Variants in OPRD1 observed in about 807,000 individuals in gnomAD.
OPRD1 encodes delta-type opioid receptor.
In OPRD1, 19 loss-of-function variants were observed where a neutral mutation model predicts 17.5. The observed-to-expected ratio is 1.09, with a 90% CI of 0.76 to 1.60. The LOEUF (loss-of-function observed/expected upper bound fraction) is 1.60. OPRD1 is among the 40% of genes most tolerant of loss of function. OPRD1 has a pLI of 0.00. For synonymous variants in OPRD1, 256 were observed against 240.9 expected, an observed-to-expected ratio of 1.06 and a Z score of -0.58; for missense variants, 483 against 547.2, an observed-to-expected ratio of 0.88 and a Z score of 1.17.
At chr1:28,855,905 A>AT (rs2089052789) in intron 1 of OPRD1, among the ~76,000 whole-genome samples, 1 of 152,196 alleles carries the variant, frequency 6.6e-6, no homozygotes, top group African/African-American at 2.4e-5. Flanking sequence ...AATGACAGCT[A>AT]TTTGGGAGGG....
At chr1:28,838,063 G>A (rs2088867969) in intron 1 of OPRD1, among the ~76,000 whole-genome samples, 1 of 151,686 alleles carries the variant, frequency 6.6e-6, no homozygotes, top group East Asian at 1.9e-4. Context: ...TAAATGAGGT[G>A]ATCTCTGTAA....
chr1:28,859,077 C>T lies in OPRD1; in HGVS notation c.351C>T (p.Gly117=), dbSNP rs772356608. Residue 117 remains glycine, a synonymous_variant, in exon 2 of 3, where the codon GGC becomes GGT. Transcript: ENST00000234961. ...ACCTGATGGAGACGTGGCCCTTCGG[C>T]GAGCTGCTCTGCAAGGCTGTGCTCT... ...AKYLMETWPF[G]ELLCKAVLSI... 16 of 1,614,094 alleles carry T rather than the reference C, an allele frequency of 9.9e-6. No individual in the cohort carries two copies. The highest frequency in any genetic ancestry group is 5.0e-5 in the Admixed American group (3 of 60,006).
chr1:28,836,270 C>T (rs937889040), intron 1 of OPRD1, among the ~76,000 whole-genome samples: 1 of 152,122 alleles, frequency 6.6e-6, no homozygotes, highest in African/African-American at 2.4e-5. Context: ...AATCCCAGCA[C>T]TTTGGGAGGC....
chr1:28,827,897 T>A (rs1245795164), intron 1 of OPRD1, among the ~76,000 whole-genome samples: 1 of 151,976 alleles, frequency 6.6e-6, no homozygotes, highest in Admixed American at 6.6e-5. Context: ...GCTAATTTAT[T>A]TATTTTTTAT....
intron 1 of OPRD1, among the ~76,000 whole-genome samples, chr1:28,823,523 A>C (rs926901340): frequency 2.0e-5 from 3 of 151,948 alleles, no homozygotes; most frequent in Non-Finnish European, 4.4e-5. Context: ...CAGCCTCCTG[A>C]GTAGCTGGGA....
chr1:28,826,515 CAAAAAAAAATAA>C (rs1346153381), intron 1 of OPRD1, among the ~76,000 whole-genome samples: 2 of 144,740 alleles, frequency 1.4e-5, no homozygotes, highest in Non-Finnish European at 3.0e-5. Context: ...GACCCTGTCT[CAAAAAAAAATAA>C]AAAAAAAAGT....
chr1:28,839,234 C>T (rs78443608), intron 1 of OPRD1, among the ~76,000 whole-genome samples: 3 of 152,156 alleles, frequency 2.0e-5, no homozygotes, highest in African/African-American at 7.2e-5. Flanking sequence ...CTTCCCGTTT[C>T]TGGTGGCTCC....
chr1:28,862,907 G>A lies in OPRD1; in HGVS notation c.743G>A (p.Gly248Asp). The A allele has an allele frequency of 6.2e-7, 1 of 1,612,614 alleles. No individual in the cohort carries two copies. The highest frequency in any genetic ancestry group is 8.5e-7 in the Non-Finnish European group (1 of 1,179,964). ...LRLRSVRLLSGSKEKDRSLRR... is the reference protein window; with the variant it reads ...LRLRSVRLLSDSKEKDRSLRR... ...CTGCGCAGTGTGCGCCTGCTGTCGG[G>A]CTCCAAGGAGAAGGACCGCAGCCTG... The change falls in exon 3 of 3, where the codon GGC (glycine) becomes GAC (aspartate). Residue 248 changes from glycine (G) to aspartate (D), a missense_variant. By Grantham distance (94) the Gly-to-Asp change is moderately conservative. Transcript: ENST00000234961.
At chr1:28,853,205 C>T (rs1417396020) in intron 1 of OPRD1, among the ~76,000 whole-genome samples, 1 of 152,216 alleles carries the variant, frequency 6.6e-6, no homozygotes, top group Non-Finnish European at 1.5e-5. Flanking sequence ...TTTCTCAACC[C>T]CTTGCAGTTG....
At chr1:28,835,376 T>C (rs2124271336) in intron 1 of OPRD1, among the ~76,000 whole-genome samples, 1 of 152,350 alleles carries the variant, frequency 6.6e-6, no homozygotes, top group South Asian at 2.1e-4. Flanking sequence ...TGTTCAACTC[T>C]GGGGCCTGGA....
rs374166221 is a variant in OPRD1 at position 28,859,267 on chromosome 1, G to A, written c.541G>A (p.Val181Met). The change falls in exon 2 of 3, where the codon GTG becomes ATG. Residue 181 changes from valine to methionine, a missense_variant. Physicochemically the swap from Val to Met is conservative, Grantham distance 21. Coordinates refer to ENST00000234961, the MANE Select transcript of OPRD1 (RefSeq NM_000911.4). ...CTGGGTCCTGGCCTCAGGCGTTGGC[G>A]TGCCCATCATGGTCATGGCTGTGAC... ...CIWVLASGVG[V>M]PIMVMAVTRP... 34 of 1,614,070 alleles carry A rather than the reference G, an allele frequency of 2.1e-5. No homozygotes were observed. Among genetic ancestry groups the A allele is most frequent in the South Asian group, 4.4e-5 (4 of 91,060 alleles).
chr1:28,834,121 AGTTTGGTATCGAACTCC>A (rs2088830005), intron 1 of OPRD1, among the ~76,000 whole-genome samples: 1 of 152,088 alleles, frequency 6.6e-6, no homozygotes, highest in African/African-American at 2.4e-5. Context: ...CATGTTGGCC[AGTTTGGTATCGAACTCC>A]TGACCTCAGG....
rs1224457874 is a variant in OPRD1, at chr1:28,859,316, G to C, written c.577+13G>C. 1.9e-6 allele frequency: 3 copies of C among 1,602,588 alleles called. No homozygotes were observed. In the African/African-American group the frequency reaches 4.0e-5, roughly 21 times the overall value. On this transcript the variant is annotated intron_variant, in intron 2 of 2. Coordinates refer to ENST00000234961, the MANE Select transcript of OPRD1 (RefSeq NM_000911.4). ...ACCCGTCCCCGGGGTGAGTGAGTGA[G>C]TGCACCATGGCACAGGCCACTGACC...
intron 1 of OPRD1, among the ~76,000 whole-genome samples, chr1:28,847,599 T>G (rs2088965179): frequency 1.3e-5 from 2 of 151,498 alleles, no homozygotes; most frequent in Admixed American, 6.6e-5. Flanking sequence ...TTTGGGAGAC[T>G]GAGGTGGGTG....
At chr1:28,862,587 A>C (rs2089133053) in intron 2 of OPRD1, among the ~76,000 whole-genome samples, 155 bp from the exon 3 acceptor site, 1 of 152,220 alleles carries the variant, frequency 6.6e-6, no homozygotes, top group Admixed American at 6.5e-5. Flanking sequence ...ACCGAAGCCG[A>C]GGAGGACACT....
At chr1:28,827,205 G>A (rs369766719) in intron 1 of OPRD1, among the ~76,000 whole-genome samples, 3 of 152,160 alleles carry the variant, frequency 2.0e-5, no homozygotes, top group Admixed American at 6.5e-5. Flanking sequence ...CTGAGGTGGG[G>A]GGATTGCTGA....
At chr1:28,855,084 A>AG (rs1283104404) in intron 1 of OPRD1, among the ~76,000 whole-genome samples, 1 of 152,194 alleles carries the variant, frequency 6.6e-6, no homozygotes, top group Non-Finnish European at 1.5e-5. Flanking sequence ...GATGAATGTA[A>AG]GTCAGGAAGT....
At chr1:28,817,911 G>GT (rs1161315858) in intron 1 of OPRD1, among the ~76,000 whole-genome samples, 1 of 145,442 alleles carries the variant, frequency 6.9e-6, no homozygotes, top group Non-Finnish European at 1.5e-5. Flanking sequence ...GCGGGGGGGG[G>GT]GTTTCACCAT....
intron 1 of OPRD1, among the ~76,000 whole-genome samples, chr1:28,813,822 TC>T (rs2088651179): frequency 6.6e-6 from 1 of 152,204 alleles, no homozygotes; most frequent in African/African-American, 2.4e-5. Flanking sequence ...AACTGTAGTC[TC>T]AGCCTAGTCA....
Sources: allele counts gnomAD v4.1 joint callset (sites outside exome capture counted in the v4.1 genomes callset), GRCh38; gene constraint gnomAD v4.1.1; transcripts MANE v1.5; gene names NCBI Gene and HGNC (gene_info 2026-07-23, HGNC 2026-07-21).